NEO1: variants seen among roughly 807,000 people sequenced by gnomAD.
NEO1 encodes neogenin 1, also known as neogenin.
A neutral mutation model predicts 159.7 loss-of-function variants in NEO1; 63 were observed. The ratio of observed to expected loss-of-function variants is 0.39; its 90% CI spans 0.32 to 0.49. The LOEUF is 0.49. Ranked by LOEUF, NEO1 falls within the 20% of genes least tolerant of loss-of-function variation. NEO1 has a pLI of 0.85. For synonymous variants in NEO1, 633 were observed against 662.0 expected, an observed-to-expected ratio of 0.96 and a Z score of 0.67; for missense variants, 1,615 against 1,831.0, an observed-to-expected ratio of 0.88 and a Z score of 2.15.
At chr15:73,121,524 G>A (rs2071646587) in intron 2 of NEO1, among the ~76,000 whole-genome samples, 2 of 152,100 alleles carry the variant, frequency 1.3e-5, no homozygotes, top group African/African-American at 4.8e-5. Context: ...ACTTTTGTTA[G>A]TTAATAATGA....
At chr15:73,126,594 C>G in intron 4 of NEO1, 24 bp downstream of exon 4, 1 of 1,601,624 alleles carries the variant, frequency 6.2e-7, no homozygotes, top group South Asian at 1.1e-5. Flanking sequence ...GCCTAAAAGC[C>G]TTCTTCAGCC....
intron 25 of NEO1, among the ~76,000 whole-genome samples, chr15:73,293,057 A>G (rs1276181238): frequency 6.6e-6 from 1 of 152,366 alleles, no homozygotes; most frequent in South Asian, 2.1e-4. Context: ...CATGTTTATT[A>G]TAGTAGAATT....
chr15:73,238,771 T>TA (rs1408140402), intron 8 of NEO1, among the ~76,000 whole-genome samples: 7 of 152,040 alleles, frequency 4.6e-5, no homozygotes, highest in Non-Finnish European at 8.8e-5. Flanking sequence ...CCATTAGAGT[T>TA]AAAAAAAGGT....
At chr15:73,247,085 G>T (rs1345111482) in intron 9 of NEO1, among the ~76,000 whole-genome samples, 3 of 152,190 alleles carry the variant, frequency 2.0e-5, no homozygotes, top group Non-Finnish European at 4.4e-5. Context: ...GAAAATAGTT[G>T]TAAGAATGTA....
intron 1 of NEO1, among the ~76,000 whole-genome samples, chr15:73,059,372 C>G (rs529433390): frequency 1.3e-5 from 2 of 152,242 alleles, no homozygotes; most frequent in South Asian, 2.1e-4. Context: ...TTTTAAAGAA[C>G]CATTAGAAAT....
At chr15:73,241,323 A>G (rs968862670) in intron 8 of NEO1, among the ~76,000 whole-genome samples, 1 of 152,224 alleles carries the variant, frequency 6.6e-6, no homozygotes, top group African/African-American at 2.4e-5. Context: ...CAAACCATGG[A>G]CCCTGTGCCA....
rs1349088311 is a variant in NEO1, at chr15:73,282,538, T to A, written c.3263-426T>A. Among the ~76,000 whole-genome samples the A allele has an allele frequency of 3.3e-5, 5 of 152,386 alleles. No individual in the cohort carries two copies. The South Asian group carries it at 1.0e-3, about 32-fold the overall frequency. On this transcript the variant is annotated intron_variant, in intron 22 of 28. Transcript: ENST00000261908. Reference sequence around the variant, plus strand: ...AGATATCTGCCTGTTGGGGAAAACTTCTGCTTTGTATGAATGAACATTTTT... The same window carrying A: ...AGATATCTGCCTGTTGGGGAAAACTACTGCTTTGTATGAATGAACATTTTT...
chr15:73,274,556 A>G, intron 20 of NEO1, 136 bp from the exon 21 acceptor site: 1 of 799,508 alleles, frequency 1.3e-6, no homozygotes, highest in Non-Finnish European at 2.1e-6. Context: ...TTCTGTTAGT[A>G]CTAAAGTCAA....
intron 1 of NEO1, among the ~76,000 whole-genome samples, chr15:73,073,789 C>G: frequency 6.6e-6 from 1 of 152,080 alleles, no homozygotes; most frequent in East Asian, 1.9e-4. Context: ...ATTACCAGAA[C>G]TAATATGAGA....
In NEO1 at chr15:73,116,874, T is replaced by TG. The variant is rs765606575; in HGVS notation, c.448+17_448+18insG. 2.0e-6 allele frequency: 3 copies of TG among 1,506,888 alleles called. No homozygotes were observed. In the African/African-American group the frequency reaches 4.2e-5, roughly 21 times the overall value. 93.3% of individuals were successfully genotyped at this position (1,506,888 alleles called of 1,614,324 possible). A position where few individuals can be genotyped will look rare whatever the true frequency, so the allele number is the denominator to read the frequency against. ...TAGTAGCAGGTAAGTTTTAAGTGAT[T>TG]TTTTTTTTTGCATTTTCAAATATTT... On this transcript the variant is annotated intron_variant, in intron 2 of 28. Transcript: ENST00000261908.
chr15:73,135,744 G>T, intron 4 of NEO1, 147 bp from the exon 5 acceptor site: 1 of 668,406 alleles, frequency 1.5e-6, no homozygotes, highest in Non-Finnish European at 2.2e-6. Context: ...TTAAATTCTG[G>T]TAATTTTATA....
chr15:73,240,853 G>T (rs956847101), intron 8 of NEO1, among the ~76,000 whole-genome samples: 5 of 152,190 alleles, frequency 3.3e-5, no homozygotes, highest in African/African-American at 4.8e-5. Context: ...AGGCAATGAA[G>T]GAGAAGTTAA....
chr15:73,144,683 C>A (rs556303338), intron 5 of NEO1, among the ~76,000 whole-genome samples: 130 of 152,234 alleles, frequency 8.5e-4, no homozygotes, highest in Non-Finnish European at 1.0e-3. Flanking sequence ...CCAGACCAGA[C>A]CCCTTGTCAA....
At chr15:73,105,846 A>G (rs113643317) in intron 1 of NEO1, among the ~76,000 whole-genome samples, 1 of 152,148 alleles carries the variant, frequency 6.6e-6, no homozygotes, top group African/African-American at 2.4e-5. Context: ...TTGTCCCACT[A>G]CTGTTAATAA....
chr15:73,156,112 G>C (rs557248287), intron 5 of NEO1, among the ~76,000 whole-genome samples: 1 of 152,298 alleles, frequency 6.6e-6, no homozygotes, highest in East Asian at 1.9e-4. Flanking sequence ...TTCATTGAGT[G>C]GGGAGACTTT....
At chr15:73,163,267 T>C (rs1455281818) in intron 5 of NEO1, among the ~76,000 whole-genome samples, 1 of 152,206 alleles carries the variant, frequency 6.6e-6, no homozygotes, top group African/African-American at 2.4e-5. Flanking sequence ...GTTTTTCAGC[T>C]TATTCTTTTG....
intron 4 of NEO1, among the ~76,000 whole-genome samples, chr15:73,134,674 C>T (rs192159093): frequency 2.0e-5 from 3 of 151,990 alleles, no homozygotes; most frequent in South Asian, 2.1e-4. Flanking sequence ...CCTCAGCCTC[C>T]GTGTAGCTGG....
At chr15:73,148,355 A>C (rs2033098200) in intron 5 of NEO1, among the ~76,000 whole-genome samples, 1 of 152,170 alleles carries the variant, frequency 6.6e-6, no homozygotes, top group Non-Finnish European at 1.5e-5. Context: ...TCTTCATTAA[A>C]GAGATGATAG....
Position 73,262,673 on chromosome 15 carries a change from A to G in NEO1, c.2398+2208A>G, listed in dbSNP as rs577744033. ...GGTAGGAATGTTTGACAGTACAACC[A>G]CTTTGGAAAACAGTTTAGAGGTTTC... On this transcript the variant is annotated intron_variant, in intron 15 of 28. Coordinates refer to ENST00000261908, the MANE Select transcript of NEO1 (RefSeq NM_002499.4). 1.3e-4 allele frequency among the ~76,000 whole-genome samples: 20 copies of G among 152,348 alleles called. No homozygotes were observed. The East Asian group carries it at 2.9e-3, about 22-fold the overall frequency.
Sources: gnomAD v4.1 joint callset for allele counts (sites outside exome capture counted in the v4.1 genomes callset) on GRCh38, gnomAD v4.1.1 for gene constraint, MANE v1.5 for transcripts, NCBI Gene and HGNC (gene_info 2026-07-23, HGNC 2026-07-21) for gene names.